Variants in PALLD observed in about 807,000 individuals in gnomAD.
PALLD encodes the protein palladin, cytoskeletal associated protein.
In PALLD, 61 loss-of-function variants were observed where a neutral mutation model predicts 123.5. The ratio of observed to expected loss-of-function variants is 0.49; its 90% CI spans 0.40 to 0.61. The LOEUF (loss-of-function observed/expected upper bound fraction) is 0.61, where lower values mean the gene tolerates loss of function less well. Among genes scored for constraint, PALLD ranks in the 20% least tolerant of loss-of-function variants. PALLD has a pLI of 0.00. For missense variants in PALLD, 1,273 were observed against 1,377.0 expected, an observed-to-expected ratio of 0.92 and a Z score of 1.20; for synonymous variants, 465 against 496.4, an observed-to-expected ratio of 0.94 and a Z score of 0.84.
intron 18 of PALLD, among the ~76,000 whole-genome samples, chr4:168,922,865 C>A (rs571773010): frequency 6.6e-6 from 1 of 152,142 alleles, no homozygotes; most frequent in East Asian, 1.9e-4. Flanking sequence ...TGTCAGAAGA[C>A]GGTGATGCAC....
intron 8 of PALLD, among the ~76,000 whole-genome samples, chr4:168,704,625 C>G (rs1784046893): frequency 1.4e-5 from 2 of 141,424 alleles, no homozygotes; most frequent in Non-Finnish European, 3.0e-5. Flanking sequence ...GATTGCGCCA[C>G]TGCACCTCCA....
At chr4:168,887,762 CCTGA>C (rs1753567311) in intron 10 of PALLD, among the ~76,000 whole-genome samples, 1 of 152,142 alleles carries the variant, frequency 6.6e-6, no homozygotes, top group African/African-American at 2.4e-5. Flanking sequence ...TTGTCCTGGG[CCTGA>C]CTTTTTACAT....
At chr4:168,583,971 G>T (rs1288169261) in intron 2 of PALLD, among the ~76,000 whole-genome samples, 1 of 151,828 alleles carries the variant, frequency 6.6e-6, no homozygotes, top group Admixed American at 6.6e-5. Context: ...TAAATTTTCT[G>T]AGCCCAAAAT....
chr4:168,641,068 C>T (rs1278528077), intron 2 of PALLD, among the ~76,000 whole-genome samples: 1 of 152,032 alleles, frequency 6.6e-6, no homozygotes, highest in Non-Finnish European at 1.5e-5. Context: ...ATTAGCCAGG[C>T]GTGGCGGCAT....
At chr4:168,923,983 T>C (rs1039152375) in intron 18 of PALLD, among the ~76,000 whole-genome samples, 4 of 152,202 alleles carry the variant, frequency 2.6e-5, no homozygotes, top group African/African-American at 9.6e-5. Flanking sequence ...CTCCCACAGC[T>C]GGTCAGACAG....
chr4:168,894,516 T>C (rs769639260), intron 11 of PALLD, 63 bp from the exon 12 acceptor site: 5 of 979,862 alleles, frequency 5.1e-6, no homozygotes, highest in Non-Finnish European at 8.1e-6. Flanking sequence ...CTCTTTTTCA[T>C]AGGGCAGTAC....
chr4:168,541,526 T>G (rs1324073546), intron 2 of PALLD, among the ~76,000 whole-genome samples: 1 of 151,950 alleles, frequency 6.6e-6, no homozygotes, highest in Non-Finnish European at 1.5e-5. Context: ...CAGGCTGGAG[T>G]GCAGTGGCAT....
chr4:168,639,249 G>C (rs1407169840), intron 2 of PALLD, among the ~76,000 whole-genome samples: 1 of 152,212 alleles, frequency 6.6e-6, no homozygotes, highest in Non-Finnish European at 1.5e-5. Flanking sequence ...TTATTTTATA[G>C]ATGAGGAAAC....
At chr4:168,845,260 T>C (rs930324294) in intron 10 of PALLD, among the ~76,000 whole-genome samples, 1 of 152,192 alleles carries the variant, frequency 6.6e-6, no homozygotes, top group Non-Finnish European at 1.5e-5. Flanking sequence ...CCTACCTGTC[T>C]ATATCATTGG....
At position 168,770,061 on chromosome 4, in the gene PALLD, G is replaced by A. The variant is rs143646400; in HGVS notation, c.1964+58138G>A. 6.6e-3 allele frequency among the ~76,000 whole-genome samples: 1,005 copies of A among 152,304 alleles called. 10 individuals are homozygous for A. The highest frequency in any genetic ancestry group is 0.014 in the Middle Eastern group (4 of 294). On this transcript the variant is annotated intron_variant, in intron 10 of 21. Coordinates refer to ENST00000505667, the MANE Select transcript of PALLD (RefSeq NM_001166108.2). ...GTAGGAGACAGAGGCTGAGGGAAAGGAAGAGAGGGGTCTTGGAAGGTCAAG... is the reference window on the plus strand; with the variant it reads ...GTAGGAGACAGAGGCTGAGGGAAAGAAAGAGAGGGGTCTTGGAAGGTCAAG...
intron 10 of PALLD, among the ~76,000 whole-genome samples, chr4:168,884,153 C>T (rs1190113818): frequency 6.6e-6 from 1 of 152,138 alleles, no homozygotes; most frequent in Non-Finnish European, 1.5e-5. Flanking sequence ...CTTTTCTTTC[C>T]TCATGCCTCC....
intron 2 of PALLD, among the ~76,000 whole-genome samples, chr4:168,551,095 T>C (rs780766368): frequency 4.3e-4 from 66 of 152,350 alleles, no homozygotes; most frequent in Non-Finnish European, 8.4e-4. Flanking sequence ...GAAAGACTTA[T>C]TACAAATCAC....
At chr4:168,594,622 C>A (rs757647351) in intron 2 of PALLD, among the ~76,000 whole-genome samples, 13 of 152,082 alleles carry the variant, frequency 8.5e-5, no homozygotes, top group Non-Finnish European at 1.5e-4. Flanking sequence ...AATGATCTAA[C>A]CTCTCTGGTG....
At chr4:168,708,886 T>A in intron 8 of PALLD, 142 bp from the exon 9 acceptor site, 1 of 784,100 alleles carries the variant, frequency 1.3e-6, no homozygotes, top group Non-Finnish European at 2.1e-6. Context: ...TGTAAAGAGA[T>A]TCTATTGTAA....
chr4:168,680,481 CAAAAAAAAAAAAAAAA>C (rs571607157), intron 3 of PALLD, among the ~76,000 whole-genome samples: 3 of 59,170 alleles, frequency 5.1e-5, no homozygotes, highest in Admixed American at 2.4e-4. Flanking sequence ...GATTCCGTCT[CAAAAAAAAAAAAAAAA>C]AAAAAAAAAA....
rs1762589166 is a variant in PALLD, at chr4:168,926,437, A to G, written c.*257A>G. ...ACTGAAACAGCCATTGCCTTGACCA[A>G]CATATTCCTTTGTCACATTATGTAA... On this transcript the variant is annotated 3_prime_UTR_variant, in exon 22 of 22. Coordinates refer to ENST00000505667, the MANE Select transcript of PALLD (RefSeq NM_001166108.2). 1.5e-6 allele frequency: 2 copies of G among 1,296,808 alleles called. No homozygotes were observed. 80.3% of individuals were successfully genotyped at this position (1,296,808 alleles called of 1,614,324 possible).
intron 10 of PALLD, among the ~76,000 whole-genome samples, chr4:168,883,925 T>A (rs1484064553): frequency 1.4e-5 from 2 of 140,142 alleles, no homozygotes; most frequent in Admixed American, 7.7e-5. Context: ...ACTATTTTAT[T>A]TTTTTTTAAT....
chr4:168,599,930 A>G (rs1287429400), intron 2 of PALLD, among the ~76,000 whole-genome samples: 1 of 151,914 alleles, frequency 6.6e-6, no homozygotes, highest in Non-Finnish European at 1.5e-5. Context: ...ATACACATGC[A>G]CTGTTTTAGA....
intron 10 of PALLD, among the ~76,000 whole-genome samples, chr4:168,761,656 T>TG: frequency 2.4e-5 from 1 of 40,892 alleles, no homozygotes; most frequent in African/African-American, 9.6e-5. Context: ...TTTTTTTTTT[T>TG]TTTTTTTTTT....
Sources: gnomAD v4.1 joint callset for allele counts (sites outside exome capture counted in the v4.1 genomes callset) on GRCh38, gnomAD v4.1.1 for gene constraint, MANE v1.5 for transcripts, NCBI Gene and HGNC (gene_info 2026-07-23, HGNC 2026-07-21) for gene names.